Variants in WFDC1 observed in about 807,000 individuals in gnomAD.
WFDC1 encodes the protein WAP four-disulfide core domain 1.
A neutral mutation model predicts 32.9 loss-of-function variants in WFDC1; 39 were observed. That is an observed-to-expected ratio of 1.19 (90% CI 0.92 to 1.55). WFDC1 has a LOEUF of 1.55. WFDC1 is among the 40% of genes most tolerant of loss of function. The pLI is 0.00. For missense variants in WFDC1, 386 were observed against 309.5 expected (o/e 1.25, Z -1.85); for synonymous variants, 184 against 137.4 (o/e 1.34, Z -2.37).
At chr16:84,313,688 G>A (rs916241749) in intron 2 of WFDC1, among the ~76,000 whole-genome samples, 2 of 152,162 alleles carry the variant, frequency 1.3e-5, no homozygotes, top group African/African-American at 4.8e-5. Context: ...CCTGGCCCTG[G>A]GGTATTTGAG....
At chr16:84,297,703 G>T (rs1339140979) in intron 1 of WFDC1, among the ~76,000 whole-genome samples, 1 of 151,460 alleles carries the variant, frequency 6.6e-6, no homozygotes, top group Admixed American at 6.6e-5. Flanking sequence ...TGGCTCAGAG[G>T]ACAGGGAGGG....
At chr16:84,306,688 A>G (rs1245755993) in intron 1 of WFDC1, among the ~76,000 whole-genome samples, 1 of 152,176 alleles carries the variant, frequency 6.6e-6, no homozygotes, top group African/African-American at 2.4e-5. Context: ...CCATGTGCAG[A>G]TCAGCGAGTT....
chr16:84,324,409 T>C lies in WFDC1; in HGVS notation c.563-10T>C. On this transcript the variant is annotated splice_polypyrimidine_tract_variant and intron_variant, in intron 4 of 6. Coordinates refer to ENST00000219454, the MANE Select transcript of WFDC1 (RefSeq NM_021197.4). ...CTAAAAGAAGTTTTTTCCTCTCACTTGTTTTCCAGATGGGCGAATCCTACG... is the reference window on the plus strand; with the variant it reads ...CTAAAAGAAGTTTTTTCCTCTCACTCGTTTTCCAGATGGGCGAATCCTACG... 1 of 1,613,662 alleles carries C rather than the reference T, an allele frequency of 6.2e-7. No individual in the cohort carries two copies. Among genetic ancestry groups the C allele is most frequent in the Non-Finnish European group, 8.5e-7 (1 of 1,179,894 alleles).
At chr16:84,322,160 C>CGTGTGTGTGTGCGTGT (rs1908344676) in intron 4 of WFDC1, among the ~76,000 whole-genome samples, 2 of 142,186 alleles carry the variant, frequency 1.4e-5, no homozygotes, top group Admixed American at 7.1e-5. Context: ...TGTGTGTGTG[C>CGTGTGTGTGTGCGTGT]GTGTGTGTGT....
chr16:84,299,306 G>A (rs899714698), intron 1 of WFDC1, among the ~76,000 whole-genome samples: 7 of 151,894 alleles, frequency 4.6e-5, no homozygotes, highest in Non-Finnish European at 7.4e-5. Context: ...CGGAGGTTGC[G>A]GTGAGCCGAG....
chr16:84,299,947 A>G (rs1347581016), intron 1 of WFDC1, among the ~76,000 whole-genome samples: 2 of 152,240 alleles, frequency 1.3e-5, no homozygotes, highest in Non-Finnish European at 2.9e-5. Context: ...TGCTAATAGC[A>G]GTAGGGGACT....
intron 6 of WFDC1, chr16:84,328,310 G>C (rs1241819955): frequency 6.6e-6 from 1 of 152,232 alleles, no homozygotes; most frequent in African/African-American, 2.4e-5. Context: ...TGAGGCGTAG[G>C]TGCATGCAAA....
At chr16:84,314,594 G>C (rs1907842185) in intron 2 of WFDC1, among the ~76,000 whole-genome samples, 1 of 152,112 alleles carries the variant, frequency 6.6e-6, no homozygotes, top group African/African-American at 2.4e-5. Context: ...CGATGACAGG[G>C]GACTCAGCAC....
chr16:84,327,035 AG>A, intron 6 of WFDC1, 80 bp downstream of exon 6: 1 of 1,416,248 alleles, frequency 7.1e-7, no homozygotes, highest in Non-Finnish European at 1.0e-6. Flanking sequence ...CACCAGGTTG[AG>A]GAGCAGGAGG....
intron 5 of WFDC1, chr16:84,325,843 C>T (rs1007189861): frequency 6.6e-6 from 1 of 152,160 alleles, no homozygotes; most frequent in Non-Finnish European, 1.5e-5. Flanking sequence ...TTTGCCCGTA[C>T]ATCCATTCAC....
chr16:84,319,343 C>G (rs2288027), intron 3 of WFDC1, 88 bp from the exon 4 acceptor site: 3 of 1,537,810 alleles, frequency 2.0e-6, no homozygotes, highest in Non-Finnish European at 8.8e-7. Context: ...TCCCTGCACC[C>G]GTCCCGGGAG....
rs1907745725 is a variant in WFDC1 at position 84,313,147 on chromosome 16, C to G, written c.331C>G (p.Pro111Ala). 7 of 1,431,558 alleles carry G rather than the reference C, an allele frequency of 4.9e-6. No homozygotes were observed. The highest frequency in any genetic ancestry group is 3.3e-5 in the Admixed American group (1 of 30,358). 88.7% of individuals were successfully genotyped at this position (1,431,558 alleles called of 1,614,324 possible). A position where few individuals can be genotyped will look rare whatever the true frequency, so the allele number is the denominator to read the frequency against. Reference protein sequence around the residue: ...AYACLEAVPPPPVLDWLVQPK... With the variant: ...AYACLEAVPPAPVLDWLVQPK... ...CGCCTGCCTAGAAGCTGTGCCGCCC[C>G]CGCCAGGTAGGTCCTGGGCCCGAGG... The change falls in exon 2 of 7, where the codon CCG becomes GCG. Residue 111 changes from proline to alanine, a missense_variant. Pro to Ala is a conservative substitution (Grantham distance 27). Transcript: ENST00000219454.
intron 5 of WFDC1, among the ~76,000 whole-genome samples, chr16:84,324,738 A>T (rs1326346826): frequency 6.6e-6 from 1 of 152,140 alleles, no homozygotes; most frequent in African/African-American, 2.4e-5. Context: ...ATTGGAAAAC[A>T]CGCCTGATAC....
rs533044595 is a variant in WFDC1, at chr16:84,326,937, G to A, written c.660G>A (p.Gln220=). Residue 220 remains glutamine, a synonymous_variant, in exon 6 of 7, where the codon CAG becomes CAA. Coordinates refer to ENST00000219454, the MANE Select transcript of WFDC1 (RefSeq NM_021197.4). ...EPGRGQQKHF[Q] ...GAAGGGGACAACAGAAGCACTTTCAGTAAAGCAACGGCAAGCAGGTGAGTG... is the reference window on the plus strand; with the variant it reads ...GAAGGGGACAACAGAAGCACTTTCAATAAAGCAACGGCAAGCAGGTGAGTG... 5 of 1,614,102 alleles carry A rather than the reference G, an allele frequency of 3.1e-6. No individual in the cohort carries two copies. In the South Asian group the frequency reaches 5.5e-5, roughly 18 times the overall value.
chr16:84,326,720 A>T, intron 5 of WFDC1, 162 bp from the exon 6 acceptor site: 1 of 690,888 alleles, frequency 1.4e-6, no homozygotes, highest in Admixed American at 2.4e-5. Flanking sequence ...GGGCCTGGGG[A>T]GGGAGAGGAG....
chr16:84,317,254 C>A (rs1908007373), intron 2 of WFDC1: 1 of 151,718 alleles, frequency 6.6e-6, no homozygotes, highest in Admixed American at 6.6e-5. Context: ...GATCGTGCCA[C>A]TACCCTTCAG....
intron 1 of WFDC1, among the ~76,000 whole-genome samples, chr16:84,302,113 G>T (rs533303995): frequency 6.6e-6 from 1 of 152,258 alleles, no homozygotes; most frequent in Non-Finnish European, 1.5e-5. Flanking sequence ...AGTGCACAAA[G>T]GCCACGGGTG....
intron 2 of WFDC1, chr16:84,316,618 T>C (rs559330502): frequency 9.5e-5 from 3 of 31,510 alleles, no homozygotes; most frequent in Non-Finnish European, 1.3e-4. Flanking sequence ...ATCATCATCA[T>C]CATTAGTAAA....
chr16:84,305,214 C>T (rs1357426070), intron 1 of WFDC1, among the ~76,000 whole-genome samples: 1 of 152,242 alleles, frequency 6.6e-6, no homozygotes, highest in Non-Finnish European at 1.5e-5. Context: ...CCTCCCTTGC[C>T]ATAAGCATGA....
Sources: allele counts gnomAD v4.1 joint callset (sites outside exome capture counted in the v4.1 genomes callset), GRCh38; gene constraint gnomAD v4.1.1; transcripts MANE v1.5; gene names NCBI Gene and HGNC (gene_info 2026-07-23, HGNC 2026-07-21).